BICC1: variants seen among roughly 807,000 people sequenced by gnomAD.
BICC1 encodes BicC family RNA binding protein 1, also known as protein bicaudal C homolog 1.
In BICC1, 43 loss-of-function variants were observed where a neutral mutation model predicts 111.0. The observed-to-expected ratio is 0.39, with a 90% CI of 0.30 to 0.50. BICC1 has a LOEUF of 0.50. Among genes scored for constraint, BICC1 ranks in the 20% least tolerant of loss-of-function variants. BICC1 has a pLI of 0.88. For missense variants in BICC1, 1,091 were observed against 1,203.2 expected (o/e 0.91, Z 1.38); for synonymous variants, 467 against 434.4 (o/e 1.07, Z -0.93).
chr10:58,708,015 T>TTTTTTTGTATTTTTAGTAGA (rs56958435), intron 3 of BICC1, among the ~76,000 whole-genome samples: 1 of 145,348 alleles, frequency 6.9e-6, no homozygotes, highest in African/African-American at 2.5e-5. Context: ...TTTTTTTTTT[T>TTTTTTTGTATTTTTAGTAGA]GTATTTTTAG....
intron 2 of BICC1, among the ~76,000 whole-genome samples, chr10:58,690,075 A>G (rs1267997085): frequency 6.6e-6 from 1 of 152,206 alleles, no homozygotes; most frequent in African/African-American, 2.4e-5. Context: ...TATATACAGC[A>G]TTAAAAGATG....
intron 15 of BICC1, among the ~76,000 whole-genome samples, chr10:58,805,458 G>A (rs910114797): frequency 2.6e-5 from 4 of 152,154 alleles, no homozygotes; most frequent in Non-Finnish European, 4.4e-5. Flanking sequence ...CGTATACCTT[G>A]CCTTTAGGCA....
intron 3 of BICC1, among the ~76,000 whole-genome samples, chr10:58,743,778 T>TG (rs1161882074): frequency 0.016 from 1 of 64 alleles, no homozygotes; most frequent in East Asian, 0.25. Flanking sequence ...TTTTCTTTTC[T>TG]TTTTTTTTTT....
chr10:58,677,227 C>T (rs1202702730), intron 2 of BICC1, among the ~76,000 whole-genome samples: 1 of 152,158 alleles, frequency 6.6e-6, no homozygotes, highest in Non-Finnish European at 1.5e-5. Context: ...AAGTAGGCTT[C>T]AGAAGGTAGG....
intron 2 of BICC1, among the ~76,000 whole-genome samples, chr10:58,645,717 G>T (rs1422102255): frequency 2.6e-5 from 4 of 152,108 alleles, no homozygotes; most frequent in Admixed American, 1.3e-4. Flanking sequence ...AATTTTCTTC[G>T]CCAGGAGGCC....
chr10:58,597,425 C>A (rs529447081), intron 1 of BICC1, among the ~76,000 whole-genome samples: 2 of 152,122 alleles, frequency 1.3e-5, no homozygotes, highest in Admixed American at 1.3e-4. Context: ...TGATAAGGGT[C>A]CAACAAAGAT....
chr10:58,623,509 G>A (rs981895556), intron 2 of BICC1, among the ~76,000 whole-genome samples: 1 of 152,138 alleles, frequency 6.6e-6, no homozygotes, highest in African/African-American at 2.4e-5. Context: ...AAAAGCCTAA[G>A]ATGTTATAGC....
intron 1 of BICC1, among the ~76,000 whole-genome samples, chr10:58,520,070 G>A (rs1649030): frequency 0.54 from 82,119 of 151,864 alleles, 23,277 homozygotes; most frequent in African/African-American, 0.71. Flanking sequence ...GTTCAGAACC[G>A]TTTTGGAGAC....
chr10:58,521,653 G>A (rs531353577), intron 1 of BICC1, among the ~76,000 whole-genome samples: 191 of 102,860 alleles, frequency 1.9e-3, no homozygotes, highest in African/African-American at 7.8e-3. Flanking sequence ...TTAGATCTCC[G>A]TTTTGCCTTT....
chr10:58,541,003 A>C (rs1589078113), intron 1 of BICC1, among the ~76,000 whole-genome samples: 1 of 152,088 alleles, frequency 6.6e-6, no homozygotes, highest in African/African-American at 2.4e-5. Context: ...AAAGTCATAC[A>C]CCCTTTCATG....
chr10:58,766,335 A>G (rs1446125542), intron 3 of BICC1, among the ~76,000 whole-genome samples: 1 of 152,222 alleles, frequency 6.6e-6, no homozygotes, highest in African/African-American at 2.4e-5. Context: ...ACTTGATGGA[A>G]TAACATATTG....
Position 58,803,156 on chromosome 10 carries a change from G to A in BICC1, c.2095G>A (p.Glu699Lys). 4 of 1,611,862 alleles carry A rather than the reference G, an allele frequency of 2.5e-6. No individual in the cohort carries two copies. The South Asian group carries it at 4.4e-5, about 18-fold the overall frequency. The change falls in exon 15 of 21, where the codon GAG (glutamate) becomes AAG (lysine). Residue 699 changes from glutamate to lysine, a missense_variant. Coordinates refer to ENST00000373886, the MANE Select transcript of BICC1 (RefSeq NM_001080512.3). ...GGCTGACAAGAAGGCTCCAGGGAGTGAGCGCGCTGCAGAGAGGGCAGCAGC... is the reference window on the plus strand; with the variant it reads ...GGCTGACAAGAAGGCTCCAGGGAGTAAGCGCGCTGCAGAGAGGGCAGCAGC... ...PLADKKAPGS[E>K]RAAERAAAAQ...
intron 1 of BICC1, among the ~76,000 whole-genome samples, chr10:58,542,368 A>T (rs893323202): frequency 6.6e-6 from 1 of 152,084 alleles, no homozygotes; most frequent in Non-Finnish European, 1.5e-5. Context: ...AGATTAAAAA[A>T]AATTAAATGG....
intron 1 of BICC1, among the ~76,000 whole-genome samples, chr10:58,568,247 G>T (rs574942685): frequency 2.6e-5 from 4 of 152,032 alleles, no homozygotes; most frequent in African/African-American, 9.7e-5. Context: ...CCTTTTTCTC[G>T]TTCTGCTCAG....
chr10:58,720,861 A>G (rs1185193146), intron 3 of BICC1, among the ~76,000 whole-genome samples: 2 of 152,210 alleles, frequency 1.3e-5, no homozygotes, highest in Non-Finnish European at 2.9e-5. Context: ...AAGATGAGTC[A>G]GCAGGACATG....
chr10:58,597,876 C>T (rs1449598623), intron 1 of BICC1, among the ~76,000 whole-genome samples: 4 of 152,022 alleles, frequency 2.6e-5, no homozygotes, highest in African/African-American at 2.4e-5. Context: ...CCCTAACAAT[C>T]GCTGTTATTC....
At chr10:58,665,656 A>G (rs1838985521) in intron 2 of BICC1, among the ~76,000 whole-genome samples, 1 of 152,210 alleles carries the variant, frequency 6.6e-6, no homozygotes, top group Non-Finnish European at 1.5e-5. Flanking sequence ...CTACACTGTG[A>G]ATCACTAAGG....
chr10:58,515,211 C>G (rs1842210098), intron 1 of BICC1, among the ~76,000 whole-genome samples: 1 of 152,180 alleles, frequency 6.6e-6, no homozygotes, highest in Non-Finnish European at 1.5e-5. Flanking sequence ...GTAATAGTTT[C>G]TTTTACAGAA....
intron 15 of BICC1, among the ~76,000 whole-genome samples, chr10:58,803,918 A>G (rs186492943): frequency 2.0e-5 from 3 of 152,316 alleles, no homozygotes; most frequent in Admixed American, 2.0e-4. Context: ...TTGTGCTTTT[A>G]GAGATGCCTA....
Sources: gnomAD v4.1 joint callset for allele counts (sites outside exome capture counted in the v4.1 genomes callset) on GRCh38, gnomAD v4.1.1 for gene constraint, MANE v1.5 for transcripts, NCBI Gene and HGNC (gene_info 2026-07-23, HGNC 2026-07-21) for gene names.